GAN: variants seen among roughly 807,000 people sequenced by gnomAD.
The protein encoded by GAN is gigaxonin.
Under a neutral mutation model 71.3 loss-of-function variants are expected in GAN, and 48 were observed. The ratio of observed to expected loss-of-function variants is 0.67; its 90% CI spans 0.53 to 0.86. The LOEUF is 0.86. Ranked by LOEUF, GAN falls within the 40% of genes least tolerant of loss-of-function variation. The probability of loss-of-function intolerance (pLI) is 0.00; values close to 1 mark genes in which losing one functional copy is unlikely to be tolerated. For missense variants in GAN, 928 were observed against 770.1 expected (o/e 1.21, Z -2.43); for synonymous variants, 386 against 276.8 (o/e 1.39, Z -3.92).
intron 1 of GAN, among the ~76,000 whole-genome samples, chr16:81,326,630 T>G (rs1366941173): frequency 2.0e-5 from 3 of 152,232 alleles, no homozygotes; most frequent in African/African-American, 7.2e-5. Context: ...ATTGGGCATT[T>G]TGTCATTGTT....
At chr16:81,369,620 C>T (rs1472980456) in intron 9 of GAN, among the ~76,000 whole-genome samples, 1 of 152,158 alleles carries the variant, frequency 6.6e-6, no homozygotes, top group African/African-American at 2.4e-5. Context: ...GAGACGGAGT[C>T]TCACTCTGTT....
rs555351665 is a variant in GAN at position 81,350,680 on chromosome 16, A to C, written c.168-903A>C. Among the ~76,000 whole-genome samples the C allele has an allele frequency of 2.0e-5, 3 of 152,124 alleles. No homozygotes were observed. In the East Asian group the frequency reaches 5.8e-4, roughly 29 times the overall value. Reference sequence around the variant, plus strand: ...GCAGGCGTATGCCACCACCACTCCCAGTCGATGTTTGCATTTTTAGTAGAG... The same window carrying C: ...GCAGGCGTATGCCACCACCACTCCCCGTCGATGTTTGCATTTTTAGTAGAG... On this transcript the variant is annotated intron_variant, in intron 1 of 10. Transcript: ENST00000648994.
Position 81,382,446 on chromosome 16 carries a change from T to G in GAN, c.*4850T>G, listed in dbSNP as rs1338803676. The stretch of plus-strand genomic sequence containing the variant: ...GTTAAGAATTTATTTACTAAGGTCG[T>G]AAGAACAGAAGAAAGTTTCTTTGAA... On this transcript the variant is annotated 3_prime_UTR_variant, in exon 11 of 11. Coordinates refer to ENST00000648994, the MANE Select transcript of GAN (RefSeq NM_022041.4). 1 of 152,242 alleles carries G rather than the reference T, an allele frequency of 6.6e-6. No homozygotes were observed. The highest frequency in any genetic ancestry group is 1.5e-5 in the Non-Finnish European group (1 of 68,038). 9.4% of individuals were successfully genotyped at this position (152,242 alleles called of 1,614,324 possible).
intron 9 of GAN, among the ~76,000 whole-genome samples, chr16:81,374,075 C>T (rs901600120): frequency 6.6e-6 from 1 of 152,198 alleles, no homozygotes; most frequent in Non-Finnish European, 1.5e-5. Flanking sequence ...TCATGACCTT[C>T]ATCCTCTTGA....
chr16:81,365,783 C>G (rs1910836836), intron 9 of GAN, among the ~76,000 whole-genome samples: 1 of 151,902 alleles, frequency 6.6e-6, no homozygotes, highest in Non-Finnish European at 1.5e-5. Context: ...GGCATGGTGG[C>G]TCACACCTGT....
At position 81,386,973 on chromosome 16, in the gene GAN, A is replaced by G. The variant is rs1197631702; in HGVS notation, c.*9377A>G. The G allele has an allele frequency of 6.6e-6, 1 of 152,288 alleles. No individual in the cohort carries two copies. The highest frequency in any genetic ancestry group is 2.4e-5 in the African/African-American group (1 of 41,458). The allele number at this position is 152,288 out of a possible 1,614,324, so 9.4% of individuals were successfully genotyped here. A position where few individuals can be genotyped will look rare whatever the true frequency, so the allele number is the denominator to read the frequency against. ...AAGAAAAGAAAGAAAGGGAAGTAGA[A>G]GTAGGATTTAACAAAGGACCGAGAA... is the stretch of plus-strand genomic sequence containing the variant. On this transcript the variant is annotated 3_prime_UTR_variant, in exon 11 of 11. Transcript: ENST00000648994.
chr16:81,336,566 C>G (rs1330700627), intron 1 of GAN, among the ~76,000 whole-genome samples: 1 of 152,102 alleles, frequency 6.6e-6, no homozygotes, highest in Admixed American at 6.5e-5. Flanking sequence ...TGGGCTCAAG[C>G]GATCCTCCCA....
intron 1 of GAN, among the ~76,000 whole-genome samples, chr16:81,341,025 G>T (rs1463306454): frequency 2.0e-5 from 3 of 151,720 alleles, no homozygotes; most frequent in African/African-American, 7.3e-5. Context: ...ATTCGATCAA[G>T]CAGAAGAAAG....
At chr16:81,362,978 T>C (rs772048817) in intron 6 of GAN, among the ~76,000 whole-genome samples, 2 of 152,206 alleles carry the variant, frequency 1.3e-5, no homozygotes, top group Admixed American at 6.5e-5. Context: ...GGACCAGGCA[T>C]TTAAAGTTTT....
At chr16:81,352,536 C>G (rs1178749822) in intron 2 of GAN, among the ~76,000 whole-genome samples, 1 of 152,104 alleles carries the variant, frequency 6.6e-6, no homozygotes, top group South Asian at 2.1e-4. Flanking sequence ...ATCTTGTTCC[C>G]TACTCTCTCC....
intron 9 of GAN, among the ~76,000 whole-genome samples, chr16:81,365,993 G>A (rs1479345349): frequency 1.3e-5 from 2 of 152,114 alleles, no homozygotes. Flanking sequence ...ACTTTCCCCT[G>A]CAAACATGTG....
chr16:81,329,497 G>C (rs1909502155), intron 1 of GAN, among the ~76,000 whole-genome samples: 1 of 152,146 alleles, frequency 6.6e-6, no homozygotes, highest in African/African-American at 2.4e-5. Flanking sequence ...TCTTTATCTT[G>C]TGCACAGTCT....
At chr16:81,330,816 C>T (rs943065156) in intron 1 of GAN, among the ~76,000 whole-genome samples, 1 of 152,240 alleles carries the variant, frequency 6.6e-6, no homozygotes, top group Non-Finnish European at 1.5e-5. Context: ...TGACCAAGGT[C>T]AGCATCATTA....
In GAN at chr16:81,354,428, C is replaced by T; in HGVS notation, c.306C>T (p.Ile102=). 1 of 1,611,596 alleles carries T rather than the reference C, an allele frequency of 6.2e-7. No homozygotes were observed. Among genetic ancestry groups the T allele is most frequent in the South Asian group, 1.1e-5 (1 of 91,030 alleles). The change falls in exon 3 of 11, where the codon ATC becomes ATT. Residue 102 remains isoleucine (I), a synonymous_variant. Coordinates refer to ENST00000648994, the MANE Select transcript of GAN (RefSeq NM_022041.4). ...SGQIRLNEDT[I]QDVVQAADLL... is the part of the protein sequence containing the mutation. ...AGATCAGGCTAAATGAAGATACAAT[C>T]CAAGATGTTGTTCAGGCAGCTGACC... is the stretch of plus-strand genomic sequence containing the variant.
intron 9 of GAN, among the ~76,000 whole-genome samples, chr16:81,376,438 G>A (rs1261848013): frequency 6.8e-6 from 1 of 147,816 alleles, no homozygotes; most frequent in Non-Finnish European, 1.5e-5. Flanking sequence ...TGGGCAACAT[G>A]GCAATATCCC....
chr16:81,344,937 G>A (rs946728904), intron 1 of GAN, among the ~76,000 whole-genome samples: 4 of 152,104 alleles, frequency 2.6e-5, no homozygotes, highest in Non-Finnish European at 2.9e-5. Context: ...CGAAAAATGG[G>A]CAAAGGATAT....
Position 81,382,169 on chromosome 16 carries a change from G to A in GAN, c.*4573G>A, listed in dbSNP as rs976608138. 3 of 152,128 alleles carry A rather than the reference G, an allele frequency of 2.0e-5. No individual in the cohort carries two copies. The highest frequency in any genetic ancestry group is 4.4e-5 in the Non-Finnish European group (3 of 68,030). 9.4% of individuals were successfully genotyped at this position (152,128 alleles called of 1,614,324 possible). ...TGTACCAGGGTAATCTTGGAGGCCT[G>A]ATAGATATGGCTTCATTTCTCACTT... On this transcript the variant is annotated 3_prime_UTR_variant, in exon 11 of 11. Transcript: ENST00000648994.
At position 81,350,936 on chromosome 16, in the gene GAN, A is replaced by G. The variant is rs551208632; in HGVS notation, c.168-647A>G. On this transcript the variant is annotated intron_variant, in intron 1 of 10. Coordinates refer to ENST00000648994, the MANE Select transcript of GAN (RefSeq NM_022041.4). Reference sequence around the variant, plus strand: ...ATGCCCATCAACAGGAAAATGGGATATTGCACAGCAGAAAGAACTAAAGAA... The same window carrying G: ...ATGCCCATCAACAGGAAAATGGGATGTTGCACAGCAGAAAGAACTAAAGAA... Among the ~76,000 whole-genome samples the G allele has an allele frequency of 7.9e-5, 12 of 152,376 alleles. No homozygotes were observed. In the South Asian group the frequency reaches 2.5e-3, roughly 32 times the overall value.
rs563480938 is a variant in GAN, at chr16:81,379,127, T to G, written c.*1531T>G. 2 of 152,322 alleles carry G rather than the reference T, an allele frequency of 1.3e-5. No homozygotes were observed. The highest frequency in any genetic ancestry group is 4.8e-5 in the African/African-American group (2 of 41,558). 9.4% of individuals were successfully genotyped at this position (152,322 alleles called of 1,614,324 possible). On this transcript the variant is annotated 3_prime_UTR_variant, in exon 11 of 11. Coordinates refer to ENST00000648994, the MANE Select transcript of GAN (RefSeq NM_022041.4). ...TATAAAGGTATCCTTTGGTTTTAAG[T>G]CGAGAACAGGAATTTCTTCTAGAAA... is the stretch of plus-strand genomic sequence containing the variant.
Sources: allele counts gnomAD v4.1 joint callset (sites outside exome capture counted in the v4.1 genomes callset), GRCh38; gene constraint gnomAD v4.1.1; transcripts MANE v1.5; gene names NCBI Gene and HGNC (gene_info 2026-07-23, HGNC 2026-07-21).